The following CTIF variants were observed in gnomAD, a reference collection of about 807,000 sequenced individuals.
CTIF encodes the protein cap binding complex dependent translation initiation factor.
CTIF carries 21 observed loss-of-function variants against 66.0 expected under a neutral mutation model. That is an observed-to-expected ratio of 0.32 (90% CI 0.23 to 0.46). The LOEUF is 0.46. Ranked by LOEUF, CTIF falls within the 20% of genes least tolerant of loss-of-function variation. The pLI is 1.00. For missense variants in CTIF, 739 were observed against 812.7 expected (o/e 0.91, Z 1.10); for synonymous variants, 345 against 326.4 (o/e 1.06, Z -0.62).
chr18:48,664,681 T>A, intron 5 of CTIF, 130 bp downstream of exon 5: 1 of 723,076 alleles, frequency 1.4e-6, no homozygotes, highest in South Asian at 1.7e-5. Context: ...GCTCTTCTTA[T>A]GCGTCCCAGA....
chr18:48,621,644 AAG>A (rs1430069411), intron 2 of CTIF: 1 of 319,042 alleles, frequency 3.1e-6, no homozygotes, highest in Non-Finnish European at 6.0e-6. Context: ...CAGGCCAGGT[AAG>A]AGGGGCTGAG....
At chr18:48,617,924 G>A (rs2090426885) in intron 1 of CTIF, among the ~76,000 whole-genome samples, 1 of 152,230 alleles carries the variant, frequency 6.6e-6, no homozygotes, top group Non-Finnish European at 1.5e-5. Flanking sequence ...CAGGCCTGGG[G>A]TCCGAGGGAG....
At chr18:48,599,464 C>T (rs991236469) in intron 1 of CTIF, among the ~76,000 whole-genome samples, 1 of 152,102 alleles carries the variant, frequency 6.6e-6, no homozygotes, top group Non-Finnish European at 1.5e-5. Context: ...TTGTAGTTTA[C>T]AGTCCTATTT....
chr18:48,715,512 TC>T (rs1188371205), intron 7 of CTIF, among the ~76,000 whole-genome samples: 2 of 151,870 alleles, frequency 1.3e-5, no homozygotes, highest in Admixed American at 6.6e-5. Context: ...TAAGGCTCGT[TC>T]CCCCCCTTTT....
At chr18:48,662,669 C>G (rs187139809) in intron 3 of CTIF, 1 of 152,024 alleles carries the variant, frequency 6.6e-6, no homozygotes, top group East Asian at 1.9e-4. Flanking sequence ...CTCTGTCTCT[C>G]TCTGGAAGAG....
At chr18:48,847,793 G>C (rs1348308951) in intron 10 of CTIF, among the ~76,000 whole-genome samples, 2 of 152,224 alleles carry the variant, frequency 1.3e-5, no homozygotes, top group Non-Finnish European at 2.9e-5. Context: ...CATGCCAGGG[G>C]CTGGTCTTAG....
At chr18:48,626,627 G>A (rs1173300748) in intron 2 of CTIF, among the ~76,000 whole-genome samples, 4 of 149,446 alleles carry the variant, frequency 2.7e-5, no homozygotes, top group Admixed American at 2.7e-4. Flanking sequence ...TTACAGTCAT[G>A]AGCCACCGCA....
At position 48,603,185 on chromosome 18, in the gene CTIF, G is replaced by A. The variant is rs568278819; in HGVS notation, c.-28-16353G>A. Among the ~76,000 whole-genome samples the A allele has an allele frequency of 1.2e-4, 18 of 150,448 alleles. 1 individual carries two copies. In the South Asian group the frequency reaches 2.8e-3, roughly 23 times the overall value. On this transcript the variant is annotated intron_variant, in intron 1 of 11. Coordinates refer to ENST00000256413, the MANE Select transcript of CTIF (RefSeq NM_014772.3). ...GGATGGTTGGATGGATAGATGGGTG[G>A]GTGGATAGGTGGGTGGATGGACAGA...
At chr18:48,677,820 C>A (rs1386195863) in intron 6 of CTIF, among the ~76,000 whole-genome samples, 2 of 152,192 alleles carry the variant, frequency 1.3e-5, no homozygotes, top group Non-Finnish European at 2.9e-5. Context: ...TGCTCCTGCC[C>A]CAGAGGGACT....
At chr18:48,779,859 G>T (rs1028952165) in intron 9 of CTIF, among the ~76,000 whole-genome samples, 1 of 152,190 alleles carries the variant, frequency 6.6e-6, no homozygotes, top group Non-Finnish European at 1.5e-5. Context: ...CACTTAGATC[G>T]GTATGTTTTG....
chr18:48,670,145 G>A (rs2091505176), intron 5 of CTIF, among the ~76,000 whole-genome samples: 1 of 152,126 alleles, frequency 6.6e-6, no homozygotes, highest in South Asian at 2.1e-4. Context: ...CCAGGGAGTT[G>A]GGGCCAGCCT....
chr18:48,610,859 T>C (rs1044662346), intron 1 of CTIF, among the ~76,000 whole-genome samples: 1 of 152,184 alleles, frequency 6.6e-6, no homozygotes, highest in African/African-American at 2.4e-5. Context: ...GGGTGGGGGC[T>C]CAGGAGGGTA....
intron 10 of CTIF, among the ~76,000 whole-genome samples, chr18:48,836,112 C>T (rs2068803129): frequency 6.6e-6 from 1 of 152,050 alleles, no homozygotes; most frequent in Admixed American, 6.5e-5. Flanking sequence ...TGGAGCCCAC[C>T]CACCTCCAGG....
intron 3 of CTIF, among the ~76,000 whole-genome samples, chr18:48,653,926 G>T (rs1320928644): frequency 5.9e-5 from 9 of 152,034 alleles, no homozygotes; most frequent in Admixed American, 1.3e-4. Context: ...TAGCCATATG[G>T]AGAAAGCTGA....
rs775953061 is a variant in CTIF, at chr18:48,817,266, C to T, written c.1417C>T (p.Arg473Cys). Reference protein sequence around the residue: ...REELQQQDVERWLGFITFLCE... With the variant: ...REELQQQDVECWLGFITFLCE... ...GGAGCTGCAGCAGCAGGACGTGGAG[C>T]GCTGGCTGGGCTTCATCACCTTCCT... is the stretch of plus-strand genomic sequence containing the variant. Residue 473 changes from arginine to cysteine, a missense_variant, in exon 10 of 12, where the codon CGC becomes TGC. Arg to Cys is a radical substitution (Grantham distance 180). Transcript: ENST00000256413. 1.8e-5 allele frequency: 29 copies of T among 1,613,912 alleles called. No homozygotes were observed. Among genetic ancestry groups the T allele is most frequent in the Non-Finnish European group, 2.0e-5 (24 of 1,179,972 alleles).
At chr18:48,600,049 GC>G (rs1374612828) in intron 1 of CTIF, among the ~76,000 whole-genome samples, 1 of 152,172 alleles carries the variant, frequency 6.6e-6, no homozygotes, top group Non-Finnish European at 1.5e-5. Flanking sequence ...TAATCTCCAT[GC>G]CTCTGATTCC....
chr18:48,756,586 C>A (rs533203046), intron 7 of CTIF, among the ~76,000 whole-genome samples: 1 of 152,342 alleles, frequency 6.6e-6, no homozygotes, highest in South Asian at 2.1e-4. Flanking sequence ...TCTGCAAAAT[C>A]TTTCCACTAT....
At chr18:48,678,260 T>C (rs1241440892) in intron 6 of CTIF, among the ~76,000 whole-genome samples, 4 of 152,222 alleles carry the variant, frequency 2.6e-5, no homozygotes, top group African/African-American at 9.6e-5. Flanking sequence ...GAGAAAAGCC[T>C]CTACAGACAG....
At chr18:48,585,269 A>G (rs2089742492) in intron 1 of CTIF, among the ~76,000 whole-genome samples, 2 of 152,268 alleles carry the variant, frequency 1.3e-5, no homozygotes, top group Non-Finnish European at 2.9e-5. Flanking sequence ...GTTGAAATAT[A>G]GGGATGGATA....
Sources: gnomAD v4.1 joint callset for allele counts (sites outside exome capture counted in the v4.1 genomes callset) on GRCh38, gnomAD v4.1.1 for gene constraint, MANE v1.5 for transcripts, NCBI Gene and HGNC (gene_info 2026-07-23, HGNC 2026-07-21) for gene names.